AHCYL2: variants seen among roughly 807,000 people sequenced by gnomAD.
AHCYL2 encodes the protein S-adenosylhomocysteine hydrolase-like protein 2.
AHCYL2 carries 28 observed loss-of-function variants against 81.4 expected under a neutral mutation model. That is an observed-to-expected ratio of 0.34 (90% CI 0.25 to 0.47). The LOEUF is 0.47. Among genes scored for constraint, AHCYL2 ranks in the 20% least tolerant of loss-of-function variants. The pLI, the probability that AHCYL2 is intolerant of heterozygous loss-of-function variation, is 1.00. For missense variants in AHCYL2, 551 were observed against 785.1 expected, an observed-to-expected ratio of 0.70 and a Z score of 3.56; for synonymous variants, 272 against 290.2, an observed-to-expected ratio of 0.94 and a Z score of 0.64.
intron 1 of AHCYL2, among the ~76,000 whole-genome samples, chr7:129,289,817 C>G (rs1320252369): frequency 6.7e-6 from 1 of 149,626 alleles, no homozygotes; most frequent in Non-Finnish European, 1.5e-5. Flanking sequence ...GAGTCTTGCT[C>G]TGTTGCCCAG....
intron 1 of AHCYL2, among the ~76,000 whole-genome samples, chr7:129,245,668 T>C (rs1458753996): frequency 6.6e-6 from 1 of 152,250 alleles, no homozygotes; most frequent in Non-Finnish European, 1.5e-5. Flanking sequence ...CCATGTTGTA[T>C]CACATGCCAG....
Position 129,406,364 on chromosome 7 carries a change from T to A in AHCYL2, c.1207-14T>A. 6.2e-7 allele frequency: 1 copy of A among 1,612,912 alleles called. No homozygotes were observed. Among genetic ancestry groups the A allele is most frequent in the Non-Finnish European group, 8.5e-7 (1 of 1,178,974 alleles). The stretch of plus-strand genomic sequence containing the variant: ...GTGACTTTCCTTAATATGTGTGCTC[T>A]CTCCCCTCTTCAGGTGGGGAAAGGG... On this transcript the variant is annotated splice_polypyrimidine_tract_variant and intron_variant, in intron 9 of 16. Coordinates refer to ENST00000325006, the MANE Select transcript of AHCYL2 (RefSeq NM_015328.4). This position sits in a 1 kb window ranked among gnomAD's most constrained non-coding sequence, Gnocchi z 4.3.
At position 129,303,146 on chromosome 7, in the gene AHCYL2, A is replaced by G. The variant is rs1414064834; in HGVS notation, c.364-76492A>G. 1.3e-5 allele frequency among the ~76,000 whole-genome samples: 2 copies of G among 152,098 alleles called. 1 individual carries two copies. Among genetic ancestry groups the G allele is most frequent in the Middle Eastern group, 6.3e-3 (2 of 316 alleles). Reference sequence around the variant, plus strand: ...CTCCCAAGTAGCTGCGATTATAGGCATCCGCCACCACACCCGGTTAATTTT... The same window carrying G: ...CTCCCAAGTAGCTGCGATTATAGGCGTCCGCCACCACACCCGGTTAATTTT... On this transcript the variant is annotated intron_variant, in intron 1 of 16. Transcript: ENST00000325006.
At chr7:129,308,108 T>C (rs1001181697) in intron 1 of AHCYL2, among the ~76,000 whole-genome samples, 2 of 151,982 alleles carry the variant, frequency 1.3e-5, no homozygotes, top group Admixed American at 1.3e-4. Flanking sequence ...GACATCTCAC[T>C]AAGTTATGTG....
intron 1 of AHCYL2, among the ~76,000 whole-genome samples, chr7:129,282,000 T>G (rs1027919818): frequency 6.6e-6 from 1 of 152,202 alleles, no homozygotes; most frequent in African/African-American, 2.4e-5. Flanking sequence ...GTTACTTAGG[T>G]ATGTATTACT....
intron 1 of AHCYL2, among the ~76,000 whole-genome samples, chr7:129,304,716 G>A (rs1443289703): frequency 6.6e-6 from 1 of 151,598 alleles, no homozygotes; most frequent in African/African-American, 2.4e-5. Context: ...CTCTTTTTTG[G>A]TTTCCATTGA....
At chr7:129,357,595 ACT>A (rs1793775423) in intron 1 of AHCYL2, among the ~76,000 whole-genome samples, 1 of 152,048 alleles carries the variant, frequency 6.6e-6, no homozygotes, top group Admixed American at 6.5e-5. Context: ...GACTTGAAAG[ACT>A]CTTCACATAA....
rs747778876 is a variant in AHCYL2 at position 129,276,143 on chromosome 7, AAAT to A, written c.363+50711_363+50713del. Among the ~76,000 whole-genome samples the A allele has an allele frequency of 9.2e-4, 140 of 152,266 alleles. 3 individuals carry two copies. Among genetic ancestry groups the A allele is most frequent in the Non-Finnish European group, 9.4e-4 (64 of 68,000 alleles). On this transcript the variant is annotated intron_variant, in intron 1 of 16. Coordinates refer to ENST00000325006, the MANE Select transcript of AHCYL2 (RefSeq NM_015328.4). The stretch of plus-strand genomic sequence containing the variant: ...CTAAGTAACTCATAGATCAAAGAAA[AAAT>A]AATAATGGAAATTATAAGTAAAGCC...
At chr7:129,229,492 A>G (rs1794344468) in intron 1 of AHCYL2, among the ~76,000 whole-genome samples, 1 of 144,712 alleles carries the variant, frequency 6.9e-6, no homozygotes, top group Admixed American at 7.1e-5. Flanking sequence ...GCCCAAGGTT[A>G]TACATCTAGA....
chr7:129,333,940 A>G (rs1281307276), intron 1 of AHCYL2, among the ~76,000 whole-genome samples: 1 of 152,156 alleles, frequency 6.6e-6, no homozygotes, highest in Non-Finnish European at 1.5e-5. Flanking sequence ...TAATGCATGT[A>G]TTTATTCCTA....
intron 1 of AHCYL2, among the ~76,000 whole-genome samples, chr7:129,257,916 A>G (rs1050893245): frequency 1.3e-5 from 2 of 152,248 alleles, no homozygotes; most frequent in African/African-American, 2.4e-5. Context: ...GTAAAACATT[A>G]CATACTTTAC....
At chr7:129,253,379 A>G (rs554074423) in intron 1 of AHCYL2, among the ~76,000 whole-genome samples, 16 of 152,330 alleles carry the variant, frequency 1.1e-4, no homozygotes, top group South Asian at 6.2e-4. Flanking sequence ...ACTTACAAAT[A>G]TGAATTAATT....
intron 5 of AHCYL2, among the ~76,000 whole-genome samples, chr7:129,397,986 T>C (rs1459041739): frequency 6.6e-6 from 1 of 152,224 alleles, no homozygotes; most frequent in African/African-American, 2.4e-5. Flanking sequence ...CCCCAGTGAA[T>C]TGTACATACG....
At chr7:129,374,344 T>A (rs1794568029) in intron 1 of AHCYL2, among the ~76,000 whole-genome samples, 1 of 152,132 alleles carries the variant, frequency 6.6e-6, no homozygotes, top group Non-Finnish European at 1.5e-5. Context: ...CTTTGTCAAG[T>A]GAGAATAATA....
At chr7:129,267,185 TGA>T (rs1795838244) in intron 1 of AHCYL2, among the ~76,000 whole-genome samples, 1 of 151,504 alleles carries the variant, frequency 6.6e-6, no homozygotes, top group African/African-American at 2.4e-5. Flanking sequence ...GGTGTATGTA[TGA>T]GAGAGAGTAG....
Position 129,429,307 on chromosome 7 carries a change from A to T in AHCYL2, c.*2262A>T, listed in dbSNP as rs532588987. 1 of 152,236 alleles carries T rather than the reference A, an allele frequency of 6.6e-6. No individual in the cohort carries two copies. Among genetic ancestry groups the T allele is most frequent in the Admixed American group, 6.5e-5 (1 of 15,280 alleles). 9.4% of individuals were successfully genotyped at this position (152,236 alleles called of 1,614,324 possible). On this transcript the variant is annotated 3_prime_UTR_variant, in exon 17 of 17. Coordinates refer to ENST00000325006, the MANE Select transcript of AHCYL2 (RefSeq NM_015328.4). ...AGAAAGAACCACAAGCCTCCCAAGTATTTGGGTTCTATCTTAGGGTTGAAA... is the reference window on the plus strand; with the variant it reads ...AGAAAGAACCACAAGCCTCCCAAGTTTTTGGGTTCTATCTTAGGGTTGAAA...
intron 1 of AHCYL2, among the ~76,000 whole-genome samples, chr7:129,288,615 C>T (rs1796724875): frequency 1.3e-5 from 2 of 152,118 alleles, no homozygotes. Context: ...CTGCCTCAGC[C>T]TCCCAAAGTG....
chr7:129,281,240 A>G (rs1241049545), intron 1 of AHCYL2, among the ~76,000 whole-genome samples: 1 of 151,946 alleles, frequency 6.6e-6, no homozygotes, highest in Non-Finnish European at 1.5e-5. Context: ...TATTCTTTTT[A>G]TATATTGCTG....
intron 1 of AHCYL2, among the ~76,000 whole-genome samples, chr7:129,292,698 C>T (rs1796909702): frequency 6.6e-6 from 1 of 151,620 alleles, no homozygotes; most frequent in Admixed American, 6.6e-5. Flanking sequence ...ACCCAGGAGG[C>T]AGAGGTTGCA....
Sources: gnomAD v4.1 joint callset for allele counts (sites outside exome capture counted in the v4.1 genomes callset) on GRCh38, gnomAD v4.1.1 for gene constraint, Gnocchi (gnomAD v3.1) non-coding constraint, MANE v1.5 for transcripts, NCBI Gene and HGNC (gene_info 2026-07-23, HGNC 2026-07-21) for gene names.